The following MYO19 variants were observed in gnomAD, a reference collection of about 807,000 sequenced individuals.
The protein encoded by MYO19 is unconventional myosin-XIX.
In MYO19, 132 loss-of-function variants were observed where a neutral mutation model predicts 129.2. The observed-to-expected ratio is 1.02, with a 90% CI of 0.89 to 1.18. The LOEUF is 1.18. MYO19 is among the 50% of genes most tolerant of loss of function. The pLI is 0.00. For missense variants in MYO19, 1,210 were observed against 1,216.7 expected, an observed-to-expected ratio of 0.99 and a Z score of 0.08; for synonymous variants, 531 against 477.2, an observed-to-expected ratio of 1.11 and a Z score of -1.47.
At chr17:36,538,503 A>G (rs774529673), upstream of MYO19, 1 of 1,614,000 alleles carries the variant, frequency 6.2e-7, no homozygotes, top group Admixed American at 1.7e-5. Flanking sequence ...GATGGTAGAT[A>G]CATTACACAG....
rs2070933903 is a variant in MYO19, at chr17:36,496,001, G to GT, written c.*249dup. 2.5e-6 allele frequency: 2 copies of GT among 788,112 alleles called. No individual in the cohort carries two copies. Among genetic ancestry groups the GT allele is most frequent in the African/African-American group, 3.5e-5 (2 of 57,488 alleles). 48.8% of individuals were successfully genotyped at this position (788,112 alleles called of 1,614,324 possible). On this transcript the variant is annotated 3_prime_UTR_variant, in exon 26 of 26. Coordinates refer to ENST00000614623, the MANE Select transcript of MYO19 (RefSeq NM_001163735.2). ...GTTTGATCTGTGAAGGTAGTGAAATGTGGCCCTGATGTTTCTTAACCCTGA... is the reference window on the plus strand; with the variant it reads ...GTTTGATCTGTGAAGGTAGTGAAATGTTGGCCCTGATGTTTCTTAACCCTGA...
At chr17:36,531,259 G>A (rs1376839227) in intron 3 of MYO19, among the ~76,000 whole-genome samples, 1 of 151,652 alleles carries the variant, frequency 6.6e-6, no homozygotes, top group East Asian at 2.0e-4. Flanking sequence ...GCCAGGCGTG[G>A]TGGCCAGCAC....
In MYO19 at chr17:36,528,141, T is replaced by C. The variant is rs1342938845; in HGVS notation, c.74A>G (p.Gln25Arg). The C allele has an allele frequency of 1.2e-6, 2 of 1,612,442 alleles. No homozygotes were observed. Among genetic ancestry groups the C allele is most frequent in the African/African-American group, 2.7e-5 (2 of 74,914 alleles). The stretch of plus-strand genomic sequence containing the variant: ...CAGGACCTCCCCACCCAGGAACTCC[T>C]GCAGGTCTTCTCTGAGGTACTCCCT... ...QAREYLREDL[Q>R]EFLGGEVLLY... The change falls in exon 4 of 26, where the codon CAG (glutamine) becomes CGG (arginine). Residue 25 changes from glutamine to arginine, a missense_variant. Gln to Arg is a conservative substitution (Grantham distance 43). Transcript: ENST00000614623.
intron 6 of MYO19, among the ~76,000 whole-genome samples, chr17:36,519,685 C>T (rs1447018175): frequency 6.6e-6 from 1 of 151,904 alleles, no homozygotes; most frequent in African/African-American, 2.4e-5. Flanking sequence ...AAACTTACCC[C>T]TTTGTGTAGA....
chr17:36,513,472 A>G lies in MYO19; in HGVS notation c.851T>C (p.Leu284Pro), dbSNP rs764915784. ...DCFEVTREAM[L>P]HLGIDTPTQN... ...GGTAGGGGTGTCAATGCCCAAATGG[A>G]GCATGGCCTCTCTGGTCACCTCAAA... Residue 284 changes from leucine (L) to proline (P), a missense_variant, in exon 11 of 26, where the codon CTC (leucine) becomes CCC (proline). Coordinates refer to ENST00000614623, the MANE Select transcript of MYO19 (RefSeq NM_001163735.2). The G allele has an allele frequency of 1.2e-6, 2 of 1,613,990 alleles. No individual in the cohort carries two copies. The highest frequency in any genetic ancestry group is 2.2e-5 in the South Asian group (2 of 91,078).
chr17:36,499,605 A>G (rs1040240689), intron 23 of MYO19: 3 of 144,264 alleles, frequency 2.1e-5, no homozygotes, highest in Non-Finnish European at 4.5e-5. Flanking sequence ...CAATTAATAG[A>G]TGGTGGTAAT....
intron 20 of MYO19, among the ~76,000 whole-genome samples, chr17:36,503,641 C>G (rs2071684485): frequency 6.6e-6 from 1 of 152,268 alleles, no homozygotes; most frequent in South Asian, 2.1e-4. Context: ...ACTTCTCAGA[C>G]AGCTGCTGGC....
intron 25 of MYO19, chr17:36,497,607 T>C: frequency 1.1e-6 from 1 of 905,174 alleles, no homozygotes; most frequent in Non-Finnish European, 1.3e-6. Context: ...TTTTTTTAGA[T>C]GGACTCTCGT....
At chr17:36,521,519 G>T (rs943622080) in intron 6 of MYO19, among the ~76,000 whole-genome samples, 8 of 152,080 alleles carry the variant, frequency 5.3e-5, no homozygotes, top group African/African-American at 1.9e-4. Flanking sequence ...AGTTCCAGAA[G>T]GAGAAAACAG....
Position 36,500,873 on chromosome 17 carries a change from T to C in MYO19, c.2334A>G (p.Arg778=). The C allele has an allele frequency of 1.2e-6, 2 of 1,605,634 alleles. No individual in the cohort carries two copies. The highest frequency in any genetic ancestry group is 1.3e-5 in the African/African-American group (1 of 75,032). ...IQGGWRRHRH[R]EQERQWRAVM... The stretch of plus-strand genomic sequence containing the variant: ...CGGCCCGCCACTGCCGCTCCTGCTC[T>C]CGGTGCCGGTGTCGCCTCCAGCCAC... Residue 778 remains arginine, a synonymous_variant, in exon 23 of 26, where the codon CGA becomes CGG. Transcript: ENST00000614623.
chr17:36,497,721 A>ACT (rs2071129039), intron 25 of MYO19: 2 of 195,210 alleles, frequency 1.0e-5, no homozygotes, highest in South Asian at 3.5e-4. Flanking sequence ...AGCAGCTGGG[A>ACT]CTACAGGCGC....
At position 36,495,878 on chromosome 17, in the gene MYO19, G is replaced by A. The variant is rs1289093184; in HGVS notation, c.*373C>T. Reference sequence around the variant, plus strand: ...AAGATTTTTCCCAGCCCAAATTCCAGCGCCAATTTTAGGCCAACTTTGGCT... The same window carrying A: ...AAGATTTTTCCCAGCCCAAATTCCAACGCCAATTTTAGGCCAACTTTGGCT... On this transcript the variant is annotated 3_prime_UTR_variant, in exon 26 of 26. Transcript: ENST00000614623. The A allele has an allele frequency of 1.6e-6, 2 of 1,238,266 alleles. No individual in the cohort carries two copies. The highest frequency in any genetic ancestry group is 3.1e-5 in the East Asian group (1 of 32,048). The allele number at this position is 1,238,266 out of a possible 1,614,324, so 76.7% of individuals were successfully genotyped here.
intron 7 of MYO19, among the ~76,000 whole-genome samples, chr17:36,515,568 G>A (rs567950018): frequency 7.9e-5 from 12 of 152,310 alleles, no homozygotes; most frequent in African/African-American, 2.9e-4. Context: ...GAACCATCAG[G>A]AAACTGGATA....
At chr17:36,512,602 G>A (rs1197249531) in intron 11 of MYO19, 3 of 1,281,044 alleles carry the variant, frequency 2.3e-6, no homozygotes, top group Admixed American at 4.6e-5. Flanking sequence ...GACTCCCAGT[G>A]TTGTCCACTT....
At chr17:36,505,460 A>T (rs1482530447) in intron 18 of MYO19, 56 bp from the exon 19 acceptor site, 1 of 1,352,262 alleles carries the variant, frequency 7.4e-7, no homozygotes, top group Non-Finnish European at 1.0e-6. Flanking sequence ...AGGGCCATCA[A>T]CTGGGCTCTG....
At chr17:36,507,595 C>T (rs2072006325) in intron 15 of MYO19, 83 bp from the exon 16 acceptor site, 8 of 1,442,866 alleles carry the variant, frequency 5.5e-6, no homozygotes, top group Non-Finnish European at 7.7e-6. Flanking sequence ...GCCTCGGTAC[C>T]ACAGCGTATT....
In MYO19 at chr17:36,495,880, G is replaced by A. The variant is rs1003641455; in HGVS notation, c.*371C>T. The A allele has an allele frequency of 8.9e-6, 11 of 1,235,890 alleles. No individual in the cohort carries two copies. The highest frequency in any genetic ancestry group is 1.0e-5 in the Non-Finnish European group (10 of 989,856). The allele number at this position is 1,235,890 out of a possible 1,614,324, so 76.6% of individuals were successfully genotyped here. A position where few individuals can be genotyped will look rare whatever the true frequency, so the allele number is the denominator to read the frequency against. On this transcript the variant is annotated 3_prime_UTR_variant, in exon 26 of 26. Transcript: ENST00000614623. Reference sequence around the variant, plus strand: ...GATTTTTCCCAGCCCAAATTCCAGCGCCAATTTTAGGCCAACTTTGGCTGT... The same window carrying A: ...GATTTTTCCCAGCCCAAATTCCAGCACCAATTTTAGGCCAACTTTGGCTGT...
upstream of MYO19, chr17:36,538,554 T>C: frequency 6.2e-7 from 1 of 1,613,780 alleles, no homozygotes; most frequent in Non-Finnish European, 8.5e-7. Context: ...TCTCTATATG[T>C]TTTCCAACTG....
chr17:36,529,638 T>C (rs989097999), intron 3 of MYO19, among the ~76,000 whole-genome samples: 10 of 152,206 alleles, frequency 6.6e-5, no homozygotes, highest in African/African-American at 2.2e-4. Context: ...GGTAGGCTCT[T>C]GGCCTCCAGA....
Sources: allele counts gnomAD v4.1 joint callset (sites outside exome capture counted in the v4.1 genomes callset), GRCh38; gene constraint gnomAD v4.1.1; transcripts MANE v1.5; gene names NCBI Gene and HGNC (gene_info 2026-07-23, HGNC 2026-07-21).